The following CCDC170 variants were observed in gnomAD, a reference collection of about 807,000 sequenced individuals.
The protein encoded by CCDC170 is coiled-coil domain-containing protein 170.
CCDC170 carries 69 observed loss-of-function variants against 72.6 expected under a neutral mutation model. That is an observed-to-expected ratio of 0.95 (90% CI 0.78 to 1.16). The LOEUF is 1.16. Among genes scored for constraint, CCDC170 ranks in the 50% most tolerant of loss-of-function variants. CCDC170 has a pLI of 0.00. For missense variants in CCDC170, 852 were observed against 832.5 expected (o/e 1.02, Z -0.29); for synonymous variants, 300 against 303.9 (o/e 0.99, Z 0.13).
chr6:151,586,872 C>T (rs1378665910), intron 7 of CCDC170, among the ~76,000 whole-genome samples: 1 of 151,936 alleles, frequency 6.6e-6, no homozygotes, highest in Non-Finnish European at 1.5e-5. Flanking sequence ...GCAACCTCTG[C>T]CTCCTGGGTT....
At chr6:151,584,863 G>C (rs1776430420) in intron 6 of CCDC170, among the ~76,000 whole-genome samples, 1 of 152,116 alleles carries the variant, frequency 6.6e-6, no homozygotes, top group African/African-American at 2.4e-5. Flanking sequence ...AACAGAAATT[G>C]TTTTCTTTTT....
chr6:151,547,467 G>C (rs1782793970), intron 4 of CCDC170, among the ~76,000 whole-genome samples: 1 of 152,190 alleles, frequency 6.6e-6, no homozygotes, highest in Admixed American at 6.5e-5. Flanking sequence ...GTGAGGTCGG[G>C]AGTTTTGAGG....
At chr6:151,575,139 T>C (rs900916621) in intron 6 of CCDC170, among the ~76,000 whole-genome samples, 2 of 152,146 alleles carry the variant, frequency 1.3e-5, no homozygotes, top group African/African-American at 4.8e-5. Flanking sequence ...ATTATAGAAG[T>C]CCTAGTTAAT....
chr6:151,597,186 A>G (rs1776639738), intron 9 of CCDC170, among the ~76,000 whole-genome samples: 1 of 151,756 alleles, frequency 6.6e-6, no homozygotes, highest in African/African-American at 2.4e-5. Flanking sequence ...GTGCAGTGGC[A>G]TGATCTTGAC....
intron 5 of CCDC170, among the ~76,000 whole-genome samples, chr6:151,561,870 A>T (rs1032213222): frequency 5.3e-5 from 8 of 152,246 alleles, no homozygotes; most frequent in Admixed American, 2.0e-4. Flanking sequence ...AAGATTTGTG[A>T]AGATTTGGTC....
intron 7 of CCDC170, among the ~76,000 whole-genome samples, chr6:151,591,345 T>C (rs149972603): frequency 6.6e-6 from 1 of 152,342 alleles, no homozygotes; most frequent in African/African-American, 2.4e-5. Flanking sequence ...AGCATTGTCC[T>C]ATGTGTGGAC....
In CCDC170 at chr6:151,544,574, A is replaced by G; in HGVS notation, c.446A>G (p.Lys149Arg). Residue 149 changes from lysine (K) to arginine (R), a missense_variant and splice_region_variant, in exon 4 of 11, where the codon AAG becomes AGG. By Grantham distance (26) the Lys-to-Arg change is conservative. Coordinates refer to ENST00000239374, the MANE Select transcript of CCDC170 (RefSeq NM_025059.4). ...CTTATTTGTTATTTGCCTAACAGAA[A>G]GTGTTCAAAAGAAAATGAGGAGAAT... ...KVVELNEKLQ[K>R]CSKENEENKK... 2 of 1,609,694 alleles carry G rather than the reference A, an allele frequency of 1.2e-6. No individual in the cohort carries two copies. Among genetic ancestry groups the G allele is most frequent in the East Asian group, 2.2e-5 (1 of 44,732 alleles).
rs748063433 is a variant in CCDC170 at position 151,615,409 on chromosome 6, A to G, written c.1711-34A>G. 5 of 1,443,236 alleles carry G rather than the reference A, an allele frequency of 3.5e-6. No individual in the cohort carries two copies. In the South Asian group the frequency reaches 4.7e-5, roughly 13 times the overall value. The allele number at this position is 1,443,236 out of a possible 1,614,324, so 89.4% of individuals were successfully genotyped here. A position where few individuals can be genotyped will look rare whatever the true frequency, so the allele number is the denominator to read the frequency against. ...TTATACAGTTTTCCTAACTAAATACAAAAGGAGTTATCAGCATTCTCTTGA... is the reference window on the plus strand; with the variant it reads ...TTATACAGTTTTCCTAACTAAATACGAAAGGAGTTATCAGCATTCTCTTGA... On this transcript the variant is annotated intron_variant, in intron 9 of 10. Transcript: ENST00000239374.
intron 2 of CCDC170, among the ~76,000 whole-genome samples, chr6:151,536,711 G>T (rs1344629762): frequency 6.9e-6 from 1 of 145,930 alleles, no homozygotes; most frequent in African/African-American, 2.5e-5. Context: ...GGAGGTGGAG[G>T]TTGCAGTGAG....
chr6:151,595,985 G>T (rs1776615536), intron 8 of CCDC170, among the ~76,000 whole-genome samples: 2 of 152,132 alleles, frequency 1.3e-5, no homozygotes. Flanking sequence ...ACAGGATTTT[G>T]TCTCTCTGTC....
At chr6:151,549,660 C>T (rs1782845848) in intron 5 of CCDC170, among the ~76,000 whole-genome samples, 1 of 152,160 alleles carries the variant, frequency 6.6e-6, no homozygotes, top group South Asian at 2.1e-4. Flanking sequence ...CTCCTGGCCT[C>T]AAGTGATCCT....
At chr6:151,598,465 A>C (rs1776657210) in intron 9 of CCDC170, among the ~76,000 whole-genome samples, 1 of 152,168 alleles carries the variant, frequency 6.6e-6, no homozygotes, top group Non-Finnish European at 1.5e-5. Context: ...GTGACCCTCC[A>C]TCAGAGGCCC....
chr6:151,494,986 G>C (rs1355220025), intron 1 of CCDC170, among the ~76,000 whole-genome samples: 1 of 152,180 alleles, frequency 6.6e-6, no homozygotes, highest in Non-Finnish European at 1.5e-5. Flanking sequence ...ACTGCTAACC[G>C]CAAGTAACTC....
intron 1 of CCDC170, among the ~76,000 whole-genome samples, chr6:151,525,215 A>G (rs1362789410): frequency 2.6e-5 from 4 of 152,146 alleles, no homozygotes; most frequent in Non-Finnish European, 5.9e-5. Context: ...TACAGGCGTG[A>G]GCCACCACAC....
At chr6:151,539,430 T>C (rs975795131) in intron 3 of CCDC170, among the ~76,000 whole-genome samples, 1 of 152,210 alleles carries the variant, frequency 6.6e-6, no homozygotes, top group African/African-American at 2.4e-5. Flanking sequence ...TTGATCTTTT[T>C]CTTTGAACCG....
chr6:151,534,222 G>A (rs545646194), intron 1 of CCDC170, among the ~76,000 whole-genome samples: 4 of 151,886 alleles, frequency 2.6e-5, no homozygotes, highest in Non-Finnish European at 4.4e-5. Flanking sequence ...ATGCCACCAC[G>A]CCCAGCTAAT....
intron 1 of CCDC170, among the ~76,000 whole-genome samples, chr6:151,499,145 C>T (rs796956879): frequency 1.3e-4 from 15 of 117,874 alleles, no homozygotes; most frequent in African/African-American, 2.3e-4. Flanking sequence ...TTTGACTATT[C>T]TAGGCACGCT....
At chr6:151,513,509 G>T (rs1168456047) in intron 1 of CCDC170, among the ~76,000 whole-genome samples, 1 of 151,534 alleles carries the variant, frequency 6.6e-6, no homozygotes, top group Non-Finnish European at 1.5e-5. Context: ...ACTGGGGAGG[G>T]TGAGGCAAGA....
chr6:151,612,289 C>T (rs1321942949), intron 9 of CCDC170, among the ~76,000 whole-genome samples: 1 of 152,162 alleles, frequency 6.6e-6, no homozygotes, highest in Non-Finnish European at 1.5e-5. Context: ...CTATGCCCAA[C>T]CGTAGGGAGA....
Sources: gnomAD v4.1 joint callset for allele counts (sites outside exome capture counted in the v4.1 genomes callset) on GRCh38, gnomAD v4.1.1 for gene constraint, MANE v1.5 for transcripts, NCBI Gene and HGNC (gene_info 2026-07-23, HGNC 2026-07-21) for gene names.